LRMDA: variants seen among roughly 807,000 people sequenced by gnomAD.
LRMDA encodes leucine rich melanocyte differentiation associated.
Under a neutral mutation model 29.8 loss-of-function variants are expected in LRMDA, and 18 were observed. The observed-to-expected ratio is 0.60, with a 90% CI of 0.42 to 0.90. LRMDA has a LOEUF of 0.90. LRMDA is among the 40% of genes least tolerant of loss of function. The pLI, the probability that LRMDA is intolerant of heterozygous loss-of-function variation, is 0.00. For missense variants in LRMDA, 273 were observed against 273.9 expected (o/e 1.00, Z 0.02); for synonymous variants, 125 against 109.4 (o/e 1.14, Z -0.89).
At chr10:75,707,521 G>A (rs1470171841) in intron 2 of LRMDA, among the ~76,000 whole-genome samples, 2 of 152,234 alleles carry the variant, frequency 1.3e-5, no homozygotes, top group African/African-American at 4.8e-5. Context: ...AAATGCAGAT[G>A]AAAGCCGGTG....
intron 6 of LRMDA, among the ~76,000 whole-genome samples, chr10:76,404,367 AAAATG>A (rs1437860124): frequency 6.6e-6 from 1 of 152,190 alleles, no homozygotes; most frequent in Non-Finnish European, 1.5e-5. Context: ...CAAGCTAAAT[AAAATG>A]AAATAAAATA....
At chr10:75,690,990 T>TACACACAC (rs748067102) in intron 2 of LRMDA, among the ~76,000 whole-genome samples, 40 of 92,016 alleles carry the variant, frequency 4.3e-4, no homozygotes, top group African/African-American at 6.5e-4. Context: ...TATATATATA[T>TACACACAC]ATATACACAC....
intron 2 of LRMDA, among the ~76,000 whole-genome samples, chr10:75,471,872 A>G (rs902414967): frequency 1.3e-5 from 2 of 151,130 alleles, no homozygotes; most frequent in East Asian, 3.9e-4. Context: ...TGTTTGGGGA[A>G]TGTGTCTCCC....
intron 2 of LRMDA, among the ~76,000 whole-genome samples, chr10:75,888,908 T>TA (rs1421508889): frequency 1.3e-5 from 2 of 152,232 alleles, no homozygotes; most frequent in African/African-American, 4.8e-5. Context: ...GGTATTAGGA[T>TA]AAAAATGGGC....
At chr10:75,889,416 T>A (rs905821819) in intron 2 of LRMDA, among the ~76,000 whole-genome samples, 1 of 152,244 alleles carries the variant, frequency 6.6e-6, no homozygotes, top group Non-Finnish European at 1.5e-5. Context: ...ATAGCCTTGC[T>A]TTTTGGAGTA....
chr10:75,918,865 T>G (rs910770868), intron 2 of LRMDA, among the ~76,000 whole-genome samples: 1 of 152,118 alleles, frequency 6.6e-6, no homozygotes, highest in African/African-American at 2.4e-5. Context: ...GGGCACCAGT[T>G]ATATTTCAAC....
At chr10:75,961,621 G>A (rs1280911444) in intron 2 of LRMDA, among the ~76,000 whole-genome samples, 1 of 152,192 alleles carries the variant, frequency 6.6e-6, no homozygotes, top group African/African-American at 2.4e-5. Flanking sequence ...GAGGGGTATA[G>A]TAAGTCATCC....
intron 5 of LRMDA, among the ~76,000 whole-genome samples, chr10:76,301,875 T>C (rs1840484894): frequency 3.9e-5 from 6 of 152,268 alleles, no homozygotes; most frequent in Admixed American, 3.3e-4. Flanking sequence ...TATCACAGAC[T>C]TGGTAATTGT....
intron 5 of LRMDA, among the ~76,000 whole-genome samples, chr10:76,104,692 A>G (rs1849451143): frequency 6.6e-6 from 1 of 152,016 alleles, no homozygotes; most frequent in African/African-American, 2.4e-5. Flanking sequence ...CCAGGTGAAT[A>G]TGCCTTCTCT....
intron 2 of LRMDA, among the ~76,000 whole-genome samples, chr10:75,516,171 G>A (rs1264735951): frequency 1.3e-5 from 2 of 152,224 alleles, no homozygotes; most frequent in African/African-American, 4.8e-5. Flanking sequence ...ACATATGTGT[G>A]CATGTGTCTT....
At chr10:76,300,739 C>T (rs1840470766) in intron 5 of LRMDA, among the ~76,000 whole-genome samples, 2 of 152,210 alleles carry the variant, frequency 1.3e-5, no homozygotes, top group African/African-American at 4.8e-5. Flanking sequence ...TAATTTGCAA[C>T]AGTTTACTCC....
At chr10:76,069,294 A>G (rs1220084491) in intron 5 of LRMDA, among the ~76,000 whole-genome samples, 2 of 152,198 alleles carry the variant, frequency 1.3e-5, no homozygotes, top group Admixed American at 1.3e-4. Context: ...TGGTGCTACA[A>G]TTAGCCCTTC....
rs1476585888 is a variant in LRMDA, at chr10:75,802,977, T to A, written c.132-233031T>A. On this transcript the variant is annotated intron_variant, in intron 2 of 6. Coordinates refer to ENST00000611255, the MANE Select transcript of LRMDA (RefSeq NM_001305581.2). ...GTGTATATATATATATATATATTTT[T>A]TTTTTTTTCTTAGCTCCCTTTACTT... is the stretch of plus-strand genomic sequence containing the variant. 1.4e-4 allele frequency among the ~76,000 whole-genome samples: 21 copies of A among 145,572 alleles called. 1 individual carries two copies. The highest frequency in any genetic ancestry group is 4.4e-4 in the African/African-American group (18 of 40,464).
At chr10:76,052,631 G>C (rs73281539) in intron 4 of LRMDA, among the ~76,000 whole-genome samples, 219 of 152,306 alleles carry the variant, frequency 1.4e-3, no homozygotes, top group African/African-American at 5.0e-3. Context: ...TCTCCTTAGA[G>C]GAGTCCTTTA....
At chr10:76,393,764 T>C (rs1325739953) in intron 6 of LRMDA, among the ~76,000 whole-genome samples, 1 of 152,186 alleles carries the variant, frequency 6.6e-6, no homozygotes, top group Non-Finnish European at 1.5e-5. Flanking sequence ...TTTTCCCCTA[T>C]GTTTCCTTCT....
At chr10:76,464,513 C>T (rs1223190141) in intron 6 of LRMDA, among the ~76,000 whole-genome samples, 1 of 152,156 alleles carries the variant, frequency 6.6e-6, no homozygotes, top group Non-Finnish European at 1.5e-5. Flanking sequence ...GATGTACACA[C>T]TGGACAATTT....
intron 5 of LRMDA, among the ~76,000 whole-genome samples, chr10:76,121,102 G>A (rs936663347): frequency 3.3e-5 from 5 of 151,600 alleles, no homozygotes; most frequent in African/African-American, 4.9e-5. Flanking sequence ...CACACCACCC[G>A]CACGTAGGAT....
intron 2 of LRMDA, among the ~76,000 whole-genome samples, chr10:75,630,599 T>C (rs1841310361): frequency 1.3e-5 from 2 of 152,240 alleles, no homozygotes; most frequent in African/African-American, 2.4e-5. Flanking sequence ...GCCATGACTG[T>C]TGATGAATGT....
intron 6 of LRMDA, among the ~76,000 whole-genome samples, chr10:76,508,530 T>G (rs918393052): frequency 6.6e-6 from 1 of 152,216 alleles, no homozygotes; most frequent in African/African-American, 2.4e-5. Context: ...CTGTTGTTAT[T>G]TATGTTGTTG....
Sources: allele counts gnomAD v4.1 joint callset (sites outside exome capture counted in the v4.1 genomes callset), GRCh38; gene constraint gnomAD v4.1.1; transcripts MANE v1.5; gene names NCBI Gene and HGNC (gene_info 2026-07-23, HGNC 2026-07-21).